AKAP6: variants seen among roughly 807,000 people sequenced by gnomAD.
AKAP6 encodes the protein A-kinase anchor protein 6.
Under a neutral mutation model 188.5 loss-of-function variants are expected in AKAP6, and 58 were observed. That is an observed-to-expected ratio of 0.31 (90% confidence interval 0.25 to 0.38). AKAP6 has a LOEUF of 0.38. Among genes scored for constraint, AKAP6 ranks in the 10% least tolerant of loss-of-function variants. The pLI is 1.00. For missense variants in AKAP6, 2,710 were observed against 2,740.0 expected (o/e 0.99, Z 0.24); for synonymous variants, 989 against 998.6 (o/e 0.99, Z 0.18).
chr14:32,478,891 C>T (rs545297379), intron 2 of AKAP6, among the ~76,000 whole-genome samples: 2 of 152,188 alleles, frequency 1.3e-5, no homozygotes, highest in South Asian at 4.2e-4. Context: ...CTGTGTCCCC[C>T]CTTTGACTCA....
chr14:32,652,922 A>G (rs1263591065), intron 7 of AKAP6, among the ~76,000 whole-genome samples: 1 of 152,112 alleles, frequency 6.6e-6, no homozygotes, highest in Non-Finnish European at 1.5e-5. Context: ...CCATGGTGGC[A>G]CATTCCTGTA....
intron 2 of AKAP6, chr14:32,474,580 T>C (rs1051722969): frequency 6.6e-6 from 1 of 152,212 alleles, no homozygotes; most frequent in East Asian, 1.9e-4. Context: ...GACAAACTTA[T>C]TTGTAATCAA....
intron 12 of AKAP6, among the ~76,000 whole-genome samples, chr14:32,779,480 G>C (rs2033174930): frequency 6.6e-6 from 1 of 150,612 alleles, no homozygotes; most frequent in South Asian, 2.1e-4. Context: ...CTAAGAGATG[G>C]AAATATATAT....
At chr14:32,614,491 T>G (rs1354438483) in intron 7 of AKAP6, among the ~76,000 whole-genome samples, 2 of 152,198 alleles carry the variant, frequency 1.3e-5, no homozygotes, top group East Asian at 3.9e-4. Flanking sequence ...TTCTCATAAG[T>G]GGTAAAATTT....
In AKAP6 at chr14:32,730,580, A is replaced by C. The variant is rs75328377; in HGVS notation, c.3001-1874A>C. Among the ~76,000 whole-genome samples the C allele has an allele frequency of 3.5e-3, 534 of 152,266 alleles. 7 individuals carry two copies. Among genetic ancestry groups the C allele is most frequent in the African/African-American group, 0.012 (509 of 41,564 alleles). ...GTGAAGAGGGGGGGATGAGCTTGTC[A>C]CAAGTTAAAGGGATAACTGGTAGAG... is the stretch of plus-strand genomic sequence containing the variant. On this transcript the variant is annotated intron_variant, in intron 9 of 13. Transcript: ENST00000280979.
intron 2 of AKAP6, among the ~76,000 whole-genome samples, chr14:32,494,079 A>T (rs1320524160): frequency 6.6e-6 from 1 of 152,100 alleles, no homozygotes; most frequent in Non-Finnish European, 1.5e-5. Context: ...CTTTTGGGAG[A>T]CCATGGCTAT....
rs1391803550 is a variant in AKAP6, at chr14:32,832,606, G to C, written c.*2801G>C. Reference sequence around the variant, plus strand: ...ACCTCCCCAATTACCCTTAGAAAATGATCACACCAACTCTGCCTACACACT... The same window carrying C: ...ACCTCCCCAATTACCCTTAGAAAATCATCACACCAACTCTGCCTACACACT... On this transcript the variant is annotated 3_prime_UTR_variant, in exon 14 of 14. Coordinates refer to ENST00000280979, the MANE Select transcript of AKAP6 (RefSeq NM_004274.5). 1 of 152,124 alleles carries C rather than the reference G, an allele frequency of 6.6e-6. No individual in the cohort carries two copies. Among genetic ancestry groups the C allele is most frequent in the Non-Finnish European group, 1.5e-5 (1 of 68,024 alleles). The allele number at this position is 152,124 out of a possible 1,614,324, so 9.4% of individuals were successfully genotyped here.
intron 12 of AKAP6, among the ~76,000 whole-genome samples, chr14:32,782,989 A>G (rs1204634984): frequency 6.6e-6 from 1 of 152,154 alleles, no homozygotes; most frequent in Non-Finnish European, 1.5e-5. Flanking sequence ...GAGGATTTAT[A>G]CCTCCTGATA....
intron 12 of AKAP6, among the ~76,000 whole-genome samples, chr14:32,817,479 G>C (rs3033320): frequency 0.96 from 144,048 of 150,226 alleles, 69,104 homozygotes; most frequent in East Asian, 1. Flanking sequence ...GTGTGTGTGT[G>C]TGTGTCTGTG....
In AKAP6 at chr14:32,821,775, C is replaced by T. The variant is rs766714954; in HGVS notation, c.3962C>T (p.Thr1321Ile). 1 of 1,613,864 alleles carries T rather than the reference C, an allele frequency of 6.2e-7. No homozygotes were observed. Among genetic ancestry groups the T allele is most frequent in the East Asian group, 2.2e-5 (1 of 44,876 alleles). The stretch of plus-strand genomic sequence containing the variant: ...GGCATGACACAGCCTAATGTTTTAA[C>T]TAAGAGTCTCAGTAAAGACTCTTCA... ...VTGMTQPNVL[T>I]KSLSKDSSFS... The change falls in exon 13 of 14, where the codon ACT becomes ATT. Residue 1321 changes from threonine (T) to isoleucine (I), a missense_variant. By Grantham distance (89) the Thr-to-Ile change is moderately conservative. This residue lies in a region of AKAP6 where 2,473 missense variants were observed against 2,426.1 expected (regional missense o/e 1.02). Coordinates refer to ENST00000280979, the MANE Select transcript of AKAP6 (RefSeq NM_004274.5).
rs569631615 is a variant in AKAP6 at position 32,451,890 on chromosome 14, T to C, written c.324+18073T>C. Reference sequence around the variant, plus strand: ...AATTCTATTGGATAGTGCTGATTGATGTCTTAACCCTACTTCCTCCACCCC... The same window carrying C: ...AATTCTATTGGATAGTGCTGATTGACGTCTTAACCCTACTTCCTCCACCCC... On this transcript the variant is annotated intron_variant, in intron 2 of 13. Transcript: ENST00000280979. 3.4e-4 allele frequency among the ~76,000 whole-genome samples: 51 copies of C among 152,204 alleles called. No individual in the cohort carries two copies. In the South Asian group the frequency reaches 0.01, roughly 30 times the overall value.
At chr14:32,732,762 T>A (rs2031240234) in intron 10 of AKAP6, 162 bp downstream of exon 10, 1 of 834,616 alleles carries the variant, frequency 1.2e-6, no homozygotes, top group Admixed American at 2.8e-5. Flanking sequence ...GACACTGCTT[T>A]TCCTCTTCTG....
intron 1 of AKAP6, among the ~76,000 whole-genome samples, chr14:32,332,362 A>C (rs749584569): frequency 1.3e-5 from 2 of 152,094 alleles, no homozygotes; most frequent in Non-Finnish European, 2.9e-5. Context: ...ATGTAGAATG[A>C]AATGTCATTT....
intron 12 of AKAP6, among the ~76,000 whole-genome samples, chr14:32,779,196 G>A (rs1479272956): frequency 1.3e-5 from 2 of 151,888 alleles, no homozygotes; most frequent in African/African-American, 4.8e-5. Flanking sequence ...AGGAGTTTGA[G>A]ACCAGCCTGG....
At chr14:32,544,188 A>G (rs1883083919) in intron 3 of AKAP6, among the ~76,000 whole-genome samples, 1 of 152,174 alleles carries the variant, frequency 6.6e-6, no homozygotes, top group African/African-American at 2.4e-5. Context: ...TTCTTCCTCC[A>G]GAAAAAAAGG....
chr14:32,580,079 T>A (rs1166784388), intron 5 of AKAP6, among the ~76,000 whole-genome samples: 1 of 152,184 alleles, frequency 6.6e-6, no homozygotes, highest in Non-Finnish European at 1.5e-5. Context: ...CTCAAAGTTG[T>A]ATGTTCATAC....
intron 9 of AKAP6, among the ~76,000 whole-genome samples, chr14:32,721,106 A>G (rs1249628272): frequency 6.6e-6 from 1 of 152,230 alleles, no homozygotes; most frequent in Non-Finnish European, 1.5e-5. Flanking sequence ...TGCAGACATG[A>G]CATTACAACA....
At chr14:32,427,015 C>T (rs17099067) in intron 1 of AKAP6, among the ~76,000 whole-genome samples, 222 of 152,028 alleles carry the variant, frequency 1.5e-3, no homozygotes, top group African/African-American at 4.9e-3. Flanking sequence ...ACCCATCTGC[C>T]GAGGGGCACA....
intron 4 of AKAP6, 40 bp from the exon 5 acceptor site, chr14:32,577,080 T>G (rs371725037): frequency 1.3e-5 from 21 of 1,587,432 alleles, no homozygotes; most frequent in Non-Finnish European, 1.8e-5. Context: ...TAACATGCCT[T>G]TCTTGCCCCT....
Sources: gnomAD v4.1 joint callset for allele counts (sites outside exome capture counted in the v4.1 genomes callset) on GRCh38, gnomAD v4.1.1 for gene constraint, gnomAD v4.1.1 regional missense constraint, MANE v1.5 for transcripts, NCBI Gene and HGNC (gene_info 2026-07-23, HGNC 2026-07-21) for gene names.